The following COL4A1 variants were observed in gnomAD, a reference collection of about 807,000 sequenced individuals.
COL4A1 encodes collagen alpha-1(IV) chain.
Under a neutral mutation model 216.6 loss-of-function variants are expected in COL4A1, and 40 were observed. The ratio of observed to expected loss-of-function variants is 0.18; its 90% CI spans 0.14 to 0.24. COL4A1 has a LOEUF of 0.24. Ranked by LOEUF, COL4A1 falls within the 10% of genes least tolerant of loss-of-function variation. COL4A1 has a pLI of 1.00. For missense variants in COL4A1, 1,628 were observed against 2,196.8 expected, an observed-to-expected ratio of 0.74 and a Z score of 5.18; for synonymous variants, 839 against 810.7, an observed-to-expected ratio of 1.03 and a Z score of -0.59.
chr13:110,222,278 A>AC (rs1272305115), intron 2 of COL4A1, among the ~76,000 whole-genome samples: 1 of 152,142 alleles, frequency 6.6e-6, no homozygotes, highest in Non-Finnish European at 1.5e-5. Context: ...GTACTCAGAC[A>AC]CTGAATGATC....
rs187090156 is a variant in COL4A1, at chr13:110,202,967, C to T, written c.999+599G>A. On this transcript the variant is annotated intron_variant, in intron 18 of 51. Transcript: ENST00000375820. ...GTGGCTCATGCCTGTAATCCCAGAA[C>T]TTTGGGAGGCCAAGGTGGGTGGGTC... Among the ~76,000 whole-genome samples the T allele has an allele frequency of 3.0e-3, 451 of 152,252 alleles. 3 individuals are homozygous for T. The highest frequency in any genetic ancestry group is 4.9e-3 in the Admixed American group (75 of 15,294).
chr13:110,150,366 T>C lies in COL4A1; in HGVS notation c.5007A>G (p.Thr1669=), dbSNP rs1876440800. ...VSRCQVCMRR[T] is the part of the protein sequence containing the mutation. ...ACATTAGCTGAGTCAGGCTTCATTA[T>C]GTTCTTCTCATACAGACTTGGCAGC... The change falls in exon 52 of 52, where the codon ACA becomes ACG. Residue 1669 remains threonine (T), a synonymous_variant. Transcript: ENST00000375820. 3.1e-6 allele frequency: 5 copies of C among 1,613,912 alleles called. No individual in the cohort carries two copies. Among genetic ancestry groups the C allele is most frequent in the Middle Eastern group, 3.3e-4 (2 of 6,058 alleles).
At chr13:110,152,151 C>A (rs935458528) in intron 51 of COL4A1, among the ~76,000 whole-genome samples, 183 bp downstream of exon 51, 1 of 152,080 alleles carries the variant, frequency 6.6e-6, no homozygotes, top group Non-Finnish European at 1.5e-5. Context: ...AAAAATTAAA[C>A]CTGTGACTGA....
At chr13:110,150,530 T>G in intron 51 of COL4A1, 86 bp from the exon 52 acceptor site, 216 of 1,343,360 alleles carry the variant, frequency 1.6e-4, no homozygotes, top group Non-Finnish European at 2.0e-4. Flanking sequence ...CGGAAATCTC[T>G]AAGGGATCAG....
intron 2 of COL4A1, among the ~76,000 whole-genome samples, chr13:110,223,866 G>A (rs909898463): frequency 1.3e-5 from 2 of 152,232 alleles, no homozygotes; most frequent in Admixed American, 1.3e-4. Context: ...AGACTTTAGA[G>A]GCTTGGTACT....
Position 110,211,706 on chromosome 13 carries a change from T to G in COL4A1, c.442-33A>C. On this transcript the variant is annotated intron_variant, in intron 7 of 51. Transcript: ENST00000375820. This position sits in a 1 kb window ranked among gnomAD's most constrained non-coding sequence, Gnocchi z 4.3. Reference sequence around the variant, plus strand: ...AGAAAGTTTTGGTGTTAGTTTTGTTTTTCTCAAAATATCATTAGCATTAAA... The same window carrying G: ...AGAAAGTTTTGGTGTTAGTTTTGTTGTTCTCAAAATATCATTAGCATTAAA... 5 of 1,602,536 alleles carry G rather than the reference T, an allele frequency of 3.1e-6. No homozygotes were observed. Among genetic ancestry groups the G allele is most frequent in the Non-Finnish European group, 4.3e-6 (5 of 1,173,008 alleles).
At chr13:110,179,569 G>T (rs1452918850) in intron 29 of COL4A1, 148 bp from the exon 30 acceptor site, 1 of 1,145,340 alleles carries the variant, frequency 8.7e-7, no homozygotes, top group Non-Finnish European at 1.3e-6. Flanking sequence ...CGTTTGCAAA[G>T]CTTCCTCATA....
intron 24 of COL4A1, 38 bp downstream of exon 24, chr13:110,192,176 C>A (rs200283555): frequency 1.1e-5 from 18 of 1,606,162 alleles, no homozygotes; most frequent in Non-Finnish European, 1.4e-5. Context: ...TTGGTGGCAA[C>A]TTCTGATATG....
At chr13:110,290,954 G>T (rs904837895) in intron 1 of COL4A1, among the ~76,000 whole-genome samples, 5 of 152,196 alleles carry the variant, frequency 3.3e-5, no homozygotes, top group Non-Finnish European at 5.9e-5. Context: ...AGCCAAGGGC[G>T]ATTGCACGTC....
intron 46 of COL4A1, among the ~76,000 whole-genome samples, chr13:110,164,192 T>C (rs572231599): frequency 2.4e-4 from 36 of 152,016 alleles, no homozygotes; most frequent in Admixed American, 1.1e-3. Context: ...AGACTCTCCC[T>C]ATGTTGCCCA....
intron 1 of COL4A1, among the ~76,000 whole-genome samples, chr13:110,248,445 G>A (rs549704565): frequency 2.0e-3 from 299 of 152,296 alleles, no homozygotes; most frequent in Non-Finnish European, 3.8e-3. Flanking sequence ...ACACGGCAGG[G>A]GCGCACTGGT....
At chr13:110,196,223 ACAGGAGGCAAGAAAGCC>A (rs1878882961) in intron 21 of COL4A1, among the ~76,000 whole-genome samples, 1 of 152,188 alleles carries the variant, frequency 6.6e-6, no homozygotes, top group Non-Finnish European at 1.5e-5. Flanking sequence ...CCCACAAAGC[ACAGGAGGCAAGAAAGCC>A]CAAGTGGGGT....
intron 15 of COL4A1, among the ~76,000 whole-genome samples, chr13:110,205,868 T>C (rs1329733713): frequency 1.3e-5 from 2 of 151,700 alleles, no homozygotes; most frequent in Non-Finnish European, 2.9e-5. Flanking sequence ...GTCTCAAATA[T>C]ATATATATGT....
chr13:110,306,835 G>A, intron 1 of COL4A1, 109 bp downstream of exon 1: 2 of 1,054,096 alleles, frequency 1.9e-6, no homozygotes, highest in Non-Finnish European at 2.5e-6. Context: ...GCCGTGCCAC[G>A]CGCGACCCCC....
chr13:110,306,856 C>A (rs961857951), intron 1 of COL4A1, 88 bp downstream of exon 1: 44 of 1,243,624 alleles, frequency 3.5e-5, no homozygotes, highest in Non-Finnish European at 4.3e-5. Context: ...GAGGGGCAGG[C>A]GGACGGGTCC....
chr13:110,262,568 A>G lies in COL4A1; in HGVS notation c.85-19834T>C, dbSNP rs555945464. Reference sequence around the variant, plus strand: ...CTTTTTATTTAGGCAAAAATCTCACAAAGATCAACAATCTCGGAGTGCTTT... The same window carrying G: ...CTTTTTATTTAGGCAAAAATCTCACGAAGATCAACAATCTCGGAGTGCTTT... On this transcript the variant is annotated intron_variant, in intron 1 of 51. Transcript: ENST00000375820. Among the ~76,000 whole-genome samples, 3 of 152,332 alleles carry G rather than the reference A, an allele frequency of 2.0e-5. No homozygotes were observed. In the South Asian group the frequency reaches 6.2e-4, roughly 32 times the overall value.
At position 110,209,387 on chromosome 13, in the gene COL4A1, T is replaced by TGTG. The variant is rs760194800; in HGVS notation, c.651+4_651+5insCAC. ...CAAAGAACAAAAAATGAAAAGAACT[T>TGTG]TTACCTTTTCACCTGGAGGGCCGGG... On this transcript the variant is annotated splice_donor_region_variant and intron_variant, in intron 11 of 51. Coordinates refer to ENST00000375820, the MANE Select transcript of COL4A1 (RefSeq NM_001845.6). 1,607 of 1,611,718 alleles carry TGTG rather than the reference T, an allele frequency of 1.0e-3. 3 individuals carry two copies. The highest frequency in any genetic ancestry group is 1.3e-3 in the Non-Finnish European group (1,526 of 1,178,272).
intron 19 of COL4A1, 77 bp downstream of exon 19, chr13:110,201,361 G>A (rs370469754): frequency 1.9e-6 from 2 of 1,047,270 alleles, no homozygotes; most frequent in Admixed American, 2.0e-5. Context: ...GGAGGAGGAA[G>A]AGGACGAGGA....
chr13:110,230,009 T>C (rs1249194549), intron 2 of COL4A1, among the ~76,000 whole-genome samples: 3 of 152,098 alleles, frequency 2.0e-5, no homozygotes, highest in African/African-American at 7.2e-5. Context: ...TTCCACAGCA[T>C]CAAATCCACA....
Sources: gnomAD v4.1 joint callset for allele counts (sites outside exome capture counted in the v4.1 genomes callset) on GRCh38, gnomAD v4.1.1 for gene constraint, Gnocchi (gnomAD v3.1) non-coding constraint, MANE v1.5 for transcripts, NCBI Gene and HGNC (gene_info 2026-07-23, HGNC 2026-07-21) for gene names.